The following LOC128125814 variants were observed in gnomAD, a reference collection of about 807,000 sequenced individuals.
chr12:57,520,058 G>A, the LOC128125814 span, among the ~76,000 whole-genome samples: 4 of 152,374 alleles, frequency 2.6e-5, no homozygotes, highest in Admixed American at 6.5e-5. Context: ...CGGCCTGAGC[G>A]ATGGTCACCC....
At chr12:57,517,800 G>T in the LOC128125814 span, 1 of 425,996 alleles carries the variant, frequency 2.3e-6, no homozygotes, top group Non-Finnish European at 4.1e-6. Flanking sequence ...AAGGGGGAGA[G>T]GCAACTTACT....
the LOC128125814 span, chr12:57,517,764 C>G: frequency 2.3e-6 from 1 of 429,946 alleles, no homozygotes; most frequent in Non-Finnish European, 4.1e-6. Context: ...CTGTGGGCAA[C>G]AAAGAGAAAT....
At chr12:57,519,014 A>T in the LOC128125814 span, 2 of 507,806 alleles carry the variant, frequency 3.9e-6, no homozygotes, top group Admixed American at 4.1e-5. Flanking sequence ...AAGAATCTAA[A>T]CACTTCTAAT....
chr12:57,520,083 G>T, the LOC128125814 span, among the ~76,000 whole-genome samples: 17 of 152,212 alleles, frequency 1.1e-4, no homozygotes, highest in Non-Finnish European at 1.0e-4. Flanking sequence ...TTAGAGCGGG[G>T]GTGTGTCCTG....
the LOC128125814 span, chr12:57,517,862 CTG>C: frequency 7.1e-6 from 3 of 422,756 alleles, no homozygotes; most frequent in Non-Finnish European, 1.2e-5. Context: ...AAGTCTTGCT[CTG>C]TTGCCAGGCT....
chr12:57,520,364 GC>G, the LOC128125814 span: 1 of 398,466 alleles, frequency 2.5e-6, no homozygotes, highest in African/African-American at 2.1e-5. Context: ...AAGAGCGGAC[GC>G]CCCAACTTTG....
the LOC128125814 span, chr12:57,520,331 G>A: frequency 1.0e-5 from 4 of 398,214 alleles, no homozygotes; most frequent in Non-Finnish European, 1.8e-5. Context: ...TAACTTCACT[G>A]TGGAGGAGTG....
chr12:57,519,319 T>C, the LOC128125814 span: 1 of 431,500 alleles, frequency 2.3e-6, no homozygotes, highest in South Asian at 1.7e-5. Context: ...TCTCCATTCC[T>C]TTCTCTGCTT....
At chr12:57,520,096 G>A in the LOC128125814 span, among the ~76,000 whole-genome samples, 1 of 152,222 alleles carries the variant, frequency 6.6e-6, no homozygotes, top group Non-Finnish European at 1.5e-5. Flanking sequence ...GTGTCCTGCT[G>A]ACCTGCCTCC....
At chr12:57,519,333 C>A in the LOC128125814 span, 1 of 406,320 alleles carries the variant, frequency 2.5e-6, no homozygotes, top group Non-Finnish European at 5.0e-6. Flanking sequence ...TCTGCTTTAG[C>A]TTTCTCCGTG....
chr12:57,518,694 C>A, the LOC128125814 span, among the ~76,000 whole-genome samples: 2 of 152,160 alleles, frequency 1.3e-5, no homozygotes, highest in African/African-American at 4.8e-5. Flanking sequence ...GGGTCTCACT[C>A]TTTTTGCCCA....
At chr12:57,518,130 T>C in the LOC128125814 span, among the ~76,000 whole-genome samples, 5 of 149,964 alleles carry the variant, frequency 3.3e-5, no homozygotes, top group African/African-American at 1.3e-4. Context: ...TATTTTTCTT[T>C]TACCTCCAGC....
the LOC128125814 span, chr12:57,517,822 T>A: frequency 2.3e-6 from 1 of 431,524 alleles, no homozygotes; most frequent in Non-Finnish European, 4.0e-6. Context: ...TTCTTTTTCT[T>A]TTTTTCTTTC....
chr12:57,519,743 G>A, the LOC128125814 span, among the ~76,000 whole-genome samples: 1 of 152,364 alleles, frequency 6.6e-6, no homozygotes, highest in African/African-American at 2.4e-5. Context: ...TAAAGAGGCA[G>A]GGACTAATCC....
the LOC128125814 span, chr12:57,519,351 TA>T: frequency 5.2e-6 from 2 of 387,196 alleles, no homozygotes; most frequent in African/African-American, 4.2e-5. Flanking sequence ...GTGGCACTTA[TA>T]TTTTGTTTAC....
chr12:57,519,248 GGAATTACCTAAGGTAATTCCT>G, the LOC128125814 span: 2 of 530,538 alleles, frequency 3.8e-6, no homozygotes, highest in African/African-American at 3.9e-5. Flanking sequence ...TTTGAGTGGA[GGAATTACCTAAGGTAATTCCT>G]GACCACCTGA....
chr12:57,517,828 CTTTCTTTTTTTTTT>C, the LOC128125814 span: 1 of 425,854 alleles, frequency 2.3e-6, no homozygotes, highest in Non-Finnish European at 4.1e-6. Flanking sequence ...TTCTTTTTTT[CTTTCTTTTTTTTTT>C]TTTGAGACCA....
the LOC128125814 span, among the ~76,000 whole-genome samples, chr12:57,517,938 TGCCTCG>T: frequency 6.6e-6 from 1 of 152,230 alleles, no homozygotes; most frequent in Admixed American, 6.5e-5. Flanking sequence ...GTGATTCTTC[TGCCTCG>T]GCCTCCCGAG....
the LOC128125814 span, among the ~76,000 whole-genome samples, chr12:57,517,974 G>A: frequency 1.3e-3 from 192 of 152,086 alleles, no homozygotes; most frequent in African/African-American, 4.5e-3. Context: ...CTACAGGCGC[G>A]TGCCACCACG....
Sources: allele counts gnomAD v4.1 joint callset (sites outside exome capture counted in the v4.1 genomes callset), GRCh38; gene constraint gnomAD v4.1.1; transcripts MANE v1.5.